CEP152: variants seen among roughly 807,000 people sequenced by gnomAD.
CEP152 encodes centrosomal protein of 152 kDa.
Under a neutral mutation model 188.9 loss-of-function variants are expected in CEP152, and 132 were observed. The ratio of observed to expected loss-of-function variants is 0.70; its 90% CI spans 0.61 to 0.81. CEP152 has a LOEUF of 0.81. Ranked by LOEUF, CEP152 falls within the 30% of genes least tolerant of loss-of-function variation. The pLI, the probability that CEP152 is intolerant of heterozygous loss-of-function variation, is 0.00. For missense variants in CEP152, 1,914 were observed against 1,969.8 expected, an observed-to-expected ratio of 0.97 and a Z score of 0.54; for synonymous variants, 649 against 666.6, an observed-to-expected ratio of 0.97 and a Z score of 0.41.
intron 12 of CEP152, among the ~76,000 whole-genome samples, chr15:48,777,893 A>C (rs1896021620): frequency 1.3e-5 from 2 of 152,138 alleles, no homozygotes; most frequent in Non-Finnish European, 2.9e-5. Flanking sequence ...TGCTTGCTAA[A>C]ATAATTTTCT....
intron 22 of CEP152, among the ~76,000 whole-genome samples, chr15:48,745,256 T>C (rs1893317681): frequency 6.6e-6 from 1 of 152,060 alleles, no homozygotes; most frequent in African/African-American, 2.4e-5. Flanking sequence ...TGCCTGTGTT[T>C]TGTTTTCCAA....
chr15:48,779,872 C>T (rs566062122), intron 12 of CEP152, among the ~76,000 whole-genome samples: 1 of 152,308 alleles, frequency 6.6e-6, no homozygotes, highest in South Asian at 2.1e-4. Flanking sequence ...AATTTACTAA[C>T]CAAACTGGAA....
chr15:48,748,654 CAAGAACTATCATTAAAAA>C, intron 21 of CEP152, 44 bp from the exon 22 acceptor site: 1 of 1,274,220 alleles, frequency 7.8e-7, no homozygotes. Context: ...CAGTTTAGAC[CAAGAACTATCATTAAAAA>C]AAAAAAAAAA....
intron 1 of CEP152, among the ~76,000 whole-genome samples, chr15:48,807,188 C>A (rs943199977): frequency 6.6e-6 from 1 of 152,062 alleles, no homozygotes. Context: ...CAGGGCTAAA[C>A]GGGGGAAGAG....
At chr15:48,733,905 C>G (rs1472852123), downstream of CEP152, among the ~76,000 whole-genome samples, 1 of 151,998 alleles carries the variant, frequency 6.6e-6, no homozygotes. Flanking sequence ...AAATATATCA[C>G]ATACTGTCCT....
chr15:48,767,580 G>A, intron 15 of CEP152, 117 bp from the exon 16 acceptor site: 2 of 1,391,278 alleles, frequency 1.4e-6, no homozygotes, highest in South Asian at 2.4e-5. Context: ...ATTGAGGTCA[G>A]ATAACTTTTC....
At chr15:48,768,426 C>A in intron 14 of CEP152, 98 bp from the exon 15 acceptor site, 1 of 706,708 alleles carries the variant, frequency 1.4e-6, no homozygotes, top group Non-Finnish European at 2.5e-6. Context: ...TGCTTTCTCT[C>A]TCCCCTATAA....
At chr15:48,763,859 T>C (rs1894872614) in intron 17 of CEP152, among the ~76,000 whole-genome samples, 1 of 152,234 alleles carries the variant, frequency 6.6e-6, no homozygotes, top group East Asian at 1.9e-4. Context: ...TGCCCATTAC[T>C]TCTTTGTTTC....
At chr15:48,766,429 G>C (rs372607960) in intron 17 of CEP152, among the ~76,000 whole-genome samples, 1 of 152,302 alleles carries the variant, frequency 6.6e-6, no homozygotes, top group African/African-American at 2.4e-5. Context: ...AGGTGTGACT[G>C]TTTACATGTG....
intron 6 of CEP152, 92 bp downstream of exon 6, chr15:48,795,918 T>C (rs763897897): frequency 5.0e-6 from 6 of 1,205,410 alleles, no homozygotes; most frequent in Non-Finnish European, 6.0e-6. Flanking sequence ...ACTTAAAAAA[T>C]AATAATTCTT....
At chr15:48,749,647 C>T (rs924974041) in intron 21 of CEP152, among the ~76,000 whole-genome samples, 1 of 151,716 alleles carries the variant, frequency 6.6e-6, no homozygotes, top group Non-Finnish European at 1.5e-5. Flanking sequence ...TGAAGAAACA[C>T]CAGACAAACC....
At chr15:48,792,143 C>T (rs992512547) in intron 7 of CEP152, among the ~76,000 whole-genome samples, 1 of 152,082 alleles carries the variant, frequency 6.6e-6, no homozygotes, top group Admixed American at 6.5e-5. Context: ...CTGGCGCCAC[C>T]ACACACCCAG....
intron 26 of CEP152, chr15:48,741,055 G>C: frequency 1.0e-6 from 1 of 989,320 alleles, no homozygotes; most frequent in Non-Finnish European, 1.2e-6. Flanking sequence ...TTTGAACTGA[G>C]GTTTCCATCT....
chr15:48,749,585 C>T (rs1228529404), intron 21 of CEP152, among the ~76,000 whole-genome samples: 1 of 151,948 alleles, frequency 6.6e-6, no homozygotes, highest in Non-Finnish European at 1.5e-5. Flanking sequence ...GATGTAACAA[C>T]ATATCACCCC....
chr15:48,747,729 T>C (rs899437073), intron 22 of CEP152, among the ~76,000 whole-genome samples: 3 of 152,148 alleles, frequency 2.0e-5, no homozygotes, highest in African/African-American at 7.2e-5. Context: ...ATGTAGAGTA[T>C]AGCGTATAGG....
At chr15:48,741,484 C>G in intron 26 of CEP152, 117 bp downstream of exon 26, 1 of 1,583,330 alleles carries the variant, frequency 6.3e-7, no homozygotes, top group Non-Finnish European at 8.6e-7. Context: ...GTAAAACATA[C>G]AAAACTTCAC....
intron 12 of CEP152, among the ~76,000 whole-genome samples, chr15:48,779,328 A>G (rs1294904958): frequency 1.3e-5 from 2 of 152,206 alleles, no homozygotes; most frequent in East Asian, 3.8e-4. Flanking sequence ...TAAGCAAAGG[A>G]GTTCACTCTG....
At chr15:48,806,673 A>G (rs1429647800) in intron 1 of CEP152, among the ~76,000 whole-genome samples, 1 of 152,242 alleles carries the variant, frequency 6.6e-6, no homozygotes, top group East Asian at 1.9e-4. Context: ...ATTTTACCAT[A>G]GAGAACTTAG....
At chr15:48,781,399 C>T (rs1300444995) in intron 11 of CEP152, 40 bp from the exon 12 acceptor site, 4 of 1,522,976 alleles carry the variant, frequency 2.6e-6, no homozygotes, top group Admixed American at 1.7e-5. Flanking sequence ...TCACTATTTT[C>T]CTATATGAAG....
Sources: allele counts gnomAD v4.1 joint callset (sites outside exome capture counted in the v4.1 genomes callset), GRCh38; gene constraint gnomAD v4.1.1; transcripts MANE v1.5; gene names NCBI Gene and HGNC (gene_info 2026-07-23, HGNC 2026-07-21).